The following KLC1 variants were observed in gnomAD, a reference collection of about 807,000 sequenced individuals.
The protein encoded by KLC1 is kinesin 2 60/70kDa.
KLC1 carries 30 observed loss-of-function variants against 84.2 expected under a neutral mutation model. The observed-to-expected ratio is 0.36, with a 90% CI of 0.27 to 0.48. The LOEUF (loss-of-function observed/expected upper bound fraction) is 0.48, where lower values mean the gene tolerates loss of function less well. Ranked by LOEUF, KLC1 falls within the 20% of genes least tolerant of loss-of-function variation. The pLI is 0.99. For synonymous variants in KLC1, 289 were observed against 293.3 expected, an observed-to-expected ratio of 0.99 and a Z score of 0.15; for missense variants, 499 against 805.4, an observed-to-expected ratio of 0.62 and a Z score of 4.60.
intron 15 of KLC1, chr14:103,699,166 A>T (rs890853307): frequency 6.4e-7 from 1 of 1,567,808 alleles, no homozygotes; most frequent in Non-Finnish European, 8.6e-7. Context: ...CTGCTCCTCC[A>T]TGGCCTCTGT....
chr14:103,696,903 C>T (rs2082573273), intron 15 of KLC1: 1 of 985,358 alleles, frequency 1.0e-6, no homozygotes, highest in East Asian at 1.1e-4. Context: ...GACTGCCAGG[C>T]CAGCCCGTCT....
At chr14:103,646,887 C>T (rs2077984609) in intron 1 of KLC1, among the ~76,000 whole-genome samples, 1 of 152,136 alleles carries the variant, frequency 6.6e-6, no homozygotes, top group Non-Finnish European at 1.5e-5. Flanking sequence ...GCTGGGGTTA[C>T]ACACATCAGC....
At position 103,646,133 on chromosome 14, in the gene KLC1, A is replaced by G. The variant is rs117787426; in HGVS notation, c.-1-8431A>G. Among the ~76,000 whole-genome samples, 144 of 152,252 alleles carry G rather than the reference A, an allele frequency of 9.5e-4. 3 individuals are homozygous for G. In the East Asian group the frequency reaches 0.02, roughly 21 times the overall value. On this transcript the variant is annotated intron_variant, in intron 1 of 16. Transcript: ENST00000334553. ...CCAAAATGTCATTATACTGCACATG[A>G]CTGTATTGTACAGAATTTGTCTATT... is the stretch of plus-strand genomic sequence containing the variant.
intron 1 of KLC1, among the ~76,000 whole-genome samples, chr14:103,629,821 C>T (rs374596248): frequency 1.3e-5 from 2 of 152,176 alleles, no homozygotes; most frequent in East Asian, 3.9e-4. Context: ...CGCCCTGGCC[C>T]CGCATCCCCG....
intron 2 of KLC1, 115 bp downstream of exon 2, chr14:103,654,940 C>T: frequency 8.1e-7 from 1 of 1,229,350 alleles, no homozygotes. Flanking sequence ...AATAACAGAT[C>T]CAGGCCGAGT....
chr14:103,683,805 C>T (rs1203498570), intron 13 of KLC1: 2 of 151,818 alleles, frequency 1.3e-5, no homozygotes, highest in Admixed American at 6.6e-5. Context: ...CTACACGTTT[C>T]GAAGACACTA....
At chr14:103,665,474 G>A (rs542735663) in intron 5 of KLC1, among the ~76,000 whole-genome samples, 1 of 151,834 alleles carries the variant, frequency 6.6e-6, no homozygotes, top group Non-Finnish European at 1.5e-5. Flanking sequence ...TGCTCTTGTC[G>A]CCCAGGCTAG....
chr14:103,630,504 G>T (rs2076591350), intron 1 of KLC1, among the ~76,000 whole-genome samples: 1 of 152,148 alleles, frequency 6.6e-6, no homozygotes, highest in Admixed American at 6.6e-5. Context: ...TTAGAGCTTT[G>T]ATTCTTTGCA....
Position 103,649,542 on chromosome 14 carries a change from A to C in KLC1, c.-1-5022A>C, listed in dbSNP as rs2078226366. Among the ~76,000 whole-genome samples, 4 of 147,928 alleles carry C rather than the reference A, an allele frequency of 2.7e-5. No homozygotes were observed. In the South Asian group the frequency reaches 8.7e-4, roughly 32 times the overall value. ...CCAAGAGTTTTAGACCAGCCTGGGC[A>C]ACATGGTGAGACCTCATCTCAAAAA... On this transcript the variant is annotated intron_variant, in intron 1 of 16. Transcript: ENST00000334553.
intron 3 of KLC1, among the ~76,000 whole-genome samples, chr14:103,659,752 T>G (rs146179824): frequency 6.6e-6 from 1 of 152,250 alleles, no homozygotes; most frequent in Non-Finnish European, 1.5e-5. Context: ...GCATTTCCCC[T>G]CTGTCTTCAT....
At chr14:103,681,579 C>G (rs2081343019) in intron 13 of KLC1, among the ~76,000 whole-genome samples, 1 of 152,084 alleles carries the variant, frequency 6.6e-6, no homozygotes. Context: ...CTGCCTCAGC[C>G]TCCTGAGGAG....
Position 103,675,669 on chromosome 14 carries a change from A to G in KLC1, c.1312-20A>G, listed in dbSNP as rs756766336. 3.1e-6 allele frequency: 5 copies of G among 1,610,504 alleles called. No homozygotes were observed. Among genetic ancestry groups the G allele is most frequent in the Admixed American group, 3.3e-5 (2 of 59,910 alleles). ...GCATTCAAGATAATTATTCATTTGA[A>G]ATTATTTCTTATAATTTAGGGAAAG... On this transcript the variant is annotated intron_variant, in intron 10 of 16. Coordinates refer to ENST00000334553, the MANE Select transcript of KLC1 (RefSeq NM_001394837.1).
intron 3 of KLC1, among the ~76,000 whole-genome samples, chr14:103,658,973 T>TTTTTTATTTTAC (rs1456896606): frequency 1.4e-5 from 2 of 145,538 alleles, no homozygotes; most frequent in Non-Finnish European, 3.0e-5. Flanking sequence ...CTTCTTTTTA[T>TTTTTTATTTTAC]TTTTTTTTTT....
intron 12 of KLC1, 198 bp from the exon 13 acceptor site, chr14:103,679,186 G>A (rs1442758127): frequency 3.1e-6 from 2 of 652,900 alleles, no homozygotes; most frequent in South Asian, 2.0e-5. Context: ...CCCCATCACT[G>A]TTCCTCTGAG....
chr14:103,689,263 C>CCACA (rs1422013698), intron 14 of KLC1, among the ~76,000 whole-genome samples: 1 of 152,162 alleles, frequency 6.6e-6, no homozygotes, highest in Non-Finnish European at 1.5e-5. Flanking sequence ...GTAACTTGGA[C>CCACA]CACACTCCCA....
chr14:103,698,506 G>C, intron 15 of KLC1: 1 of 475,160 alleles, frequency 2.1e-6, no homozygotes, highest in Non-Finnish European at 3.9e-6. Context: ...GACACCCCAG[G>C]CTCCAGCCCT....
chr14:103,689,485 G>T (rs897310210), intron 14 of KLC1, among the ~76,000 whole-genome samples: 2 of 152,210 alleles, frequency 1.3e-5, no homozygotes, highest in African/African-American at 2.4e-5. Context: ...CCCGTAAAAT[G>T]CATACAACTG....
rs567338189 is a variant in KLC1 at position 103,693,115 on chromosome 14, C to T, written c.1848+690C>T. 6.6e-6 allele frequency among the ~76,000 whole-genome samples: 1 copy of T among 152,338 alleles called. No homozygotes were observed. The highest frequency in any genetic ancestry group is 1.9e-4 in the East Asian group (1 of 5,190). ...CTGTTGGGACTTGGCAGTCCCTGCC[C>T]CTGTGCTGGTGCTGAGAGTTCGCGA... On this transcript the variant is annotated intron_variant, in intron 15 of 16. Transcript: ENST00000334553. This position sits in a 1 kb window ranked among gnomAD's most constrained non-coding sequence, Gnocchi z 5.1.
At chr14:103,663,704 T>C (rs1460246336) in intron 5 of KLC1, among the ~76,000 whole-genome samples, 1 of 152,102 alleles carries the variant, frequency 6.6e-6, no homozygotes, top group Non-Finnish European at 1.5e-5. Context: ...GGGGGAGTGG[T>C]GGGCTCTCAG....
Sources: gnomAD v4.1 joint callset for allele counts (sites outside exome capture counted in the v4.1 genomes callset) on GRCh38, gnomAD v4.1.1 for gene constraint, Gnocchi (gnomAD v3.1) non-coding constraint, MANE v1.5 for transcripts, NCBI Gene and HGNC (gene_info 2026-07-23, HGNC 2026-07-21) for gene names.